The following EDA variants were observed in gnomAD, a reference collection of about 807,000 sequenced individuals.
EDA encodes the protein ectodysplasin-A.
EDA carries 2 observed loss-of-function variants against 23.6 expected under a neutral mutation model. That is an observed-to-expected ratio of 0.08 (90% CI 0.03 to 0.27). The LOEUF (loss-of-function observed/expected upper bound fraction) is 0.27, where lower values mean the gene tolerates loss of function less well. Among genes scored for constraint, EDA ranks in the 10% least tolerant of loss-of-function variants. The probability of loss-of-function intolerance (pLI) is 1.00; values close to 1 mark genes in which losing one functional copy is unlikely to be tolerated. For synonymous variants in EDA, 131 were observed against 132.0 expected (o/e 0.99, Z 0.05); for missense variants, 229 against 324.2 (o/e 0.71, Z 2.26).
chrX:69,625,997 A>G (rs1281796662), intron 1 of EDA, among the ~76,000 whole-genome samples: 4 of 111,784 alleles, frequency 3.6e-5, no homozygotes, highest in South Asian at 3.7e-4. Flanking sequence ...AAAAATGAGC[A>G]AAAGATATGA....
intron 1 of EDA, among the ~76,000 whole-genome samples, chrX:69,683,883 G>A (rs1422313256): frequency 8.9e-6 from 1 of 112,192 alleles, no homozygotes; most frequent in Non-Finnish European, 1.9e-5. Flanking sequence ...TTTTTTATCT[G>A]CAGTTGCAGA....
At chrX:69,903,706 AAG>A (rs1473828995) in intron 1 of EDA, among the ~76,000 whole-genome samples, 1 of 110,575 alleles carries the variant, frequency 9.0e-6, no homozygotes, top group African/African-American at 3.3e-5. Flanking sequence ...TTTTTAAAAA[AAG>A]TATTTTAAAA....
intron 2 of EDA, among the ~76,000 whole-genome samples, chrX:69,990,393 TTGATAGCTATCTAC>T (rs1353145542): frequency 1.8e-5 from 2 of 110,104 alleles, no homozygotes; most frequent in East Asian, 2.8e-4. Flanking sequence ...TATCTACTGA[TTGATAGCTATCTAC>T]TGATAGCTAT....
intron 1 of EDA, among the ~76,000 whole-genome samples, chrX:69,894,367 T>A: frequency 8.9e-6 from 1 of 111,883 alleles, no homozygotes; most frequent in South Asian, 3.7e-4. Flanking sequence ...TCTTTTTGCT[T>A]AGGATTGTGT....
At chrX:69,827,142 T>C (rs761471049) in intron 1 of EDA, among the ~76,000 whole-genome samples, 4 of 112,025 alleles carry the variant, frequency 3.6e-5, no homozygotes, top group Admixed American at 1.9e-4. Context: ...ATTTTTTCTT[T>C]CATTTCAACT....
chrX:69,781,221 G>T (rs961170170), intron 1 of EDA, among the ~76,000 whole-genome samples: 3 of 111,343 alleles, frequency 2.7e-5, no homozygotes, highest in African/African-American at 9.8e-5. Flanking sequence ...AAGTTTTCGT[G>T]TGGATGTATG....
rs969027113 is a variant in EDA, at chrX:69,879,352, C to A, written c.397-77675C>A. ...TTGCTGTTCTTTTTGGTTCTTCAGCCATAGTGATAGGGCTTTAGTTACCTG... is the reference window on the plus strand; with the variant it reads ...TTGCTGTTCTTTTTGGTTCTTCAGCAATAGTGATAGGGCTTTAGTTACCTG... On this transcript the variant is annotated intron_variant, in intron 1 of 7. Transcript: ENST00000374552. Among the ~76,000 whole-genome samples the A allele has an allele frequency of 5.4e-5, 6 of 111,852 alleles. No individual in the cohort carries two copies. In the Admixed American group the frequency reaches 5.7e-4, roughly 11 times the overall value.
intron 1 of EDA, among the ~76,000 whole-genome samples, chrX:69,668,417 A>G (rs963520883): frequency 8.9e-6 from 1 of 112,081 alleles, no homozygotes; most frequent in African/African-American, 3.2e-5. Flanking sequence ...CATTAGAGAA[A>G]AATGTATATT....
At chrX:69,635,532 T>C (rs147683859) in intron 1 of EDA, among the ~76,000 whole-genome samples, 148 of 104,778 alleles carry the variant, frequency 1.4e-3, no homozygotes, top group African/African-American at 5.1e-3. Flanking sequence ...TTACTCCTTC[T>C]CACTTCCTCC....
chrX:69,776,902 A>G (rs995638523), intron 1 of EDA, among the ~76,000 whole-genome samples: 1 of 111,399 alleles, frequency 9.0e-6, no homozygotes, highest in African/African-American at 3.3e-5. Flanking sequence ...TGATTTTCAA[A>G]TTAAGTATTT....
At chrX:69,789,101 C>G (rs1269758988) in intron 1 of EDA, among the ~76,000 whole-genome samples, 1 of 112,227 alleles carries the variant, frequency 8.9e-6, no homozygotes, top group Non-Finnish European at 1.9e-5. Flanking sequence ...AAGGGAACTC[C>G]CTGACCCCTT....
chrX:69,851,190 T>G (rs2017124135), intron 1 of EDA, among the ~76,000 whole-genome samples: 1 of 109,387 alleles, frequency 9.1e-6, no homozygotes, highest in East Asian at 2.8e-4. Context: ...TGTGCACGTG[T>G]GTGTATAACT....
chrX:69,719,343 C>T (rs1471661435), intron 1 of EDA, among the ~76,000 whole-genome samples: 1 of 108,589 alleles, frequency 9.2e-6, no homozygotes, highest in Non-Finnish European at 1.9e-5. Context: ...CTGTTTAACA[C>T]ATTTTAAAAA....
intron 1 of EDA, among the ~76,000 whole-genome samples, chrX:69,732,390 G>A (rs1278928403): frequency 3.6e-5 from 4 of 111,603 alleles, no homozygotes; most frequent in Non-Finnish European, 7.5e-5. Flanking sequence ...TCAGAATGAT[G>A]GTTTCCAGCT....
At chrX:69,918,816 G>A (rs776732186) in intron 1 of EDA, among the ~76,000 whole-genome samples, 1 of 111,798 alleles carries the variant, frequency 8.9e-6, no homozygotes, top group Non-Finnish European at 1.9e-5. Context: ...ATAACTGAGA[G>A]TATTTGTGAC....
At chrX:69,957,342 A>C in intron 2 of EDA, 1 of 382,658 alleles carries the variant, frequency 2.6e-6, no homozygotes, top group Non-Finnish European at 4.7e-6. Context: ...AAATACAAAA[A>C]AAATTAGCCG....
chrX:69,994,413 C>T (rs2019628987), intron 2 of EDA, among the ~76,000 whole-genome samples: 1 of 112,166 alleles, frequency 8.9e-6, no homozygotes, highest in Admixed American at 9.4e-5. Context: ...CAACAGCTCC[C>T]TGCTAGATGA....
intron 1 of EDA, among the ~76,000 whole-genome samples, chrX:69,722,879 T>TA (rs2012642684): frequency 8.9e-6 from 1 of 112,365 alleles, no homozygotes; most frequent in Non-Finnish European, 1.9e-5. Flanking sequence ...GTAGGGTTTT[T>TA]ATAAGGATTA....
intron 1 of EDA, among the ~76,000 whole-genome samples, chrX:69,847,954 A>G (rs1201461789): frequency 2.7e-5 from 3 of 111,348 alleles, no homozygotes; most frequent in East Asian, 5.6e-4. Flanking sequence ...TTGCATTCCC[A>G]CTGGTAATGT....
Sources: gnomAD v4.1 joint callset for allele counts (sites outside exome capture counted in the v4.1 genomes callset) on GRCh38, gnomAD v4.1.1 for gene constraint, MANE v1.5 for transcripts, NCBI Gene and HGNC (gene_info 2026-07-23, HGNC 2026-07-21) for gene names.